Variants in DAPK1 observed in about 807,000 individuals in gnomAD.
DAPK1 encodes the protein death-associated protein kinase 1.
DAPK1 carries 56 observed loss-of-function variants against 144.9 expected under a neutral mutation model. The observed-to-expected ratio is 0.39, with a 90% CI of 0.31 to 0.48. The LOEUF (loss-of-function observed/expected upper bound fraction) is 0.48. Among genes scored for constraint, DAPK1 ranks in the 20% least tolerant of loss-of-function variants. The pLI is 0.95. For synonymous variants in DAPK1, 690 were observed against 749.0 expected, an observed-to-expected ratio of 0.92 and a Z score of 1.29; for missense variants, 1,454 against 1,875.4, an observed-to-expected ratio of 0.78 and a Z score of 4.15.
intron 2 of DAPK1, among the ~76,000 whole-genome samples, chr9:87,501,406 G>T (rs538166068): frequency 6.6e-6 from 1 of 152,160 alleles, no homozygotes; most frequent in Non-Finnish European, 1.5e-5. Flanking sequence ...TTGGCCAGGC[G>T]CAGTGGCGCG....
chr9:87,626,739 T>C (rs1472082905), intron 3 of DAPK1, among the ~76,000 whole-genome samples: 1 of 152,212 alleles, frequency 6.6e-6, no homozygotes. Context: ...CAGGTGAACA[T>C]TAAGCTACAA....
intron 2 of DAPK1, among the ~76,000 whole-genome samples, chr9:87,535,858 C>T (rs1026758450): frequency 1.3e-4 from 20 of 152,126 alleles, no homozygotes; most frequent in African/African-American, 1.4e-4. Flanking sequence ...AGATGTAAAC[C>T]GGAAGGCCCA....
intron 21 of DAPK1, 57 bp from the exon 22 acceptor site, chr9:87,696,950 T>C (rs1825280619): frequency 1.1e-6 from 1 of 873,208 alleles, no homozygotes. Context: ...AGAGAATTTA[T>C]GATTGAAATT....
upstream of DAPK1, among the ~76,000 whole-genome samples, chr9:87,497,484 A>G (rs1236789944): frequency 6.6e-6 from 1 of 152,228 alleles, no homozygotes; most frequent in Non-Finnish European, 1.5e-5. Context: ...TGATTTTCCC[A>G]TACCAAGCAC....
chr9:87,685,637 G>C (rs564408884), intron 20 of DAPK1, among the ~76,000 whole-genome samples: 28 of 152,350 alleles, frequency 1.8e-4, no homozygotes, highest in Non-Finnish European at 3.7e-4. Flanking sequence ...AACTGAGACA[G>C]TGAGGAAGCA....
chr9:87,697,215 T>G lies in DAPK1; in HGVS notation c.2611+11T>G, dbSNP rs376994998. On this transcript the variant is annotated intron_variant, in intron 22 of 25. Coordinates refer to ENST00000408954, the MANE Select transcript of DAPK1 (RefSeq NM_004938.4). Reference sequence around the variant, plus strand: ...TTGAAGAACCCATAGGTGAGCTAAGTCCCTGCAGGCCAGTGATGTCCTACC... The same window carrying G: ...TTGAAGAACCCATAGGTGAGCTAAGGCCCTGCAGGCCAGTGATGTCCTACC... The G allele has an allele frequency of 5.0e-5, 66 of 1,326,436 alleles. No homozygotes were observed. The highest frequency in any genetic ancestry group is 6.4e-5 in the Non-Finnish European group (59 of 918,732). 82.2% of individuals were successfully genotyped at this position (1,326,436 alleles called of 1,614,324 possible). A position where few individuals can be genotyped will look rare whatever the true frequency, so the allele number is the denominator to read the frequency against.
chr9:87,582,233 G>A (rs751314029), intron 2 of DAPK1, among the ~76,000 whole-genome samples: 5 of 151,998 alleles, frequency 3.3e-5, no homozygotes, highest in Non-Finnish European at 5.9e-5. Flanking sequence ...TTTTCTGATT[G>A]TACCAAGTGG....
chr9:87,509,479 G>GC (rs1205013720), intron 2 of DAPK1, among the ~76,000 whole-genome samples: 15 of 152,160 alleles, frequency 9.9e-5, no homozygotes, highest in East Asian at 3.9e-4. Flanking sequence ...TCCTGCCTCA[G>GC]CCCCCCGAGT....
At chr9:87,680,292 G>A (rs747498410) in intron 19 of DAPK1, among the ~76,000 whole-genome samples, 13 of 152,010 alleles carry the variant, frequency 8.6e-5, no homozygotes, top group Admixed American at 2.0e-4. Flanking sequence ...TTTCGGTAGA[G>A]ACGGGGTTTC....
At position 87,698,730 on chromosome 9, in the gene DAPK1, C is replaced by T. The variant is rs777747286; in HGVS notation, c.2686C>T (p.Arg896Ter). 10 of 1,601,780 alleles carry T rather than the reference C, an allele frequency of 6.2e-6. No homozygotes were observed. The highest frequency in any genetic ancestry group is 1.1e-5 in the South Asian group (1 of 90,816). The stretch of plus-strand genomic sequence containing the variant: ...CCACGCTGACATCATGAATGTTCCT[C>T]GACCGGCTGGAGGCGAGTTTGGATA... ...ATHADIMNVP[R>*]PAGGEFGYDK... Residue 896 changes from arginine to a stop codon, truncating the protein, a stop_gained, in exon 23 of 26, where the codon CGA becomes TGA. Coordinates refer to ENST00000408954, the MANE Select transcript of DAPK1 (RefSeq NM_004938.4). LOFTEE classifies it high-confidence loss of function.
At chr9:87,588,546 C>T (rs1176042266) in intron 2 of DAPK1, among the ~76,000 whole-genome samples, 1 of 152,190 alleles carries the variant, frequency 6.6e-6, no homozygotes, top group African/African-American at 2.4e-5. Context: ...TTGTGAGGAT[C>T]AGCTTTCACA....
At chr9:87,586,562 A>C (rs1827947651) in intron 2 of DAPK1, among the ~76,000 whole-genome samples, 2 of 152,216 alleles carry the variant, frequency 1.3e-5, no homozygotes, top group Admixed American at 1.3e-4. Flanking sequence ...CTAAACAAAT[A>C]ATTGACACTA....
At chr9:87,593,366 G>A (rs1324251936) in intron 2 of DAPK1, among the ~76,000 whole-genome samples, 2 of 152,204 alleles carry the variant, frequency 1.3e-5, no homozygotes, top group Non-Finnish European at 2.9e-5. Flanking sequence ...TTAAAAACAT[G>A]CAGGCAAATA....
At chr9:87,534,817 G>C (rs955720009) in intron 2 of DAPK1, among the ~76,000 whole-genome samples, 1 of 151,916 alleles carries the variant, frequency 6.6e-6, no homozygotes. Flanking sequence ...GCTAACTTTT[G>C]TATTTTTAGT....
intron 2 of DAPK1, chr9:87,553,968 A>T (rs1340955607): frequency 6.6e-6 from 1 of 152,238 alleles, no homozygotes; most frequent in African/African-American, 2.4e-5. Context: ...CCCGATCGGG[A>T]AACTCTGCTG....
chr9:87,597,121 C>T (rs1428988037), intron 2 of DAPK1, among the ~76,000 whole-genome samples: 1 of 152,238 alleles, frequency 6.6e-6, no homozygotes, highest in Non-Finnish European at 1.5e-5. Context: ...CTTCTGAGAA[C>T]TCAAGCGGAA....
intron 2 of DAPK1, among the ~76,000 whole-genome samples, chr9:87,602,092 G>A (rs763435877): frequency 5.3e-5 from 8 of 152,164 alleles, no homozygotes; most frequent in Non-Finnish European, 1.0e-4. Flanking sequence ...GTGCTCTTTC[G>A]ACTCAGGGAT....
intron 2 of DAPK1, among the ~76,000 whole-genome samples, chr9:87,601,747 T>G (rs1374952430): frequency 5.9e-5 from 9 of 152,172 alleles, no homozygotes; most frequent in African/African-American, 2.2e-4. Flanking sequence ...GCACTTATTA[T>G]GCCCACTCTA....
At chr9:87,636,328 C>A (rs1374281304) in intron 3 of DAPK1, among the ~76,000 whole-genome samples, 1 of 152,314 alleles carries the variant, frequency 6.6e-6, no homozygotes, top group South Asian at 2.1e-4. Context: ...GTGTGGCTAC[C>A]TCTGCCAGGC....
Sources: gnomAD v4.1 joint callset for allele counts (sites outside exome capture counted in the v4.1 genomes callset) on GRCh38, gnomAD v4.1.1 for gene constraint, MANE v1.5 for transcripts, NCBI Gene and HGNC (gene_info 2026-07-23, HGNC 2026-07-21) for gene names.